The following CFAP206 variants were observed in gnomAD, a reference collection of about 807,000 sequenced individuals.
CFAP206 encodes the protein cilia- and flagella-associated protein 206.
CFAP206 carries 53 observed loss-of-function variants against 65.4 expected under a neutral mutation model. The observed-to-expected ratio is 0.81, with a 90% confidence interval of 0.65 to 1.02. The LOEUF is 1.02. CFAP206 is among the 50% of genes least tolerant of loss of function. The pLI is 0.00. For missense variants in CFAP206, 663 were observed against 753.2 expected, an observed-to-expected ratio of 0.88 and a Z score of 1.40; for synonymous variants, 250 against 254.4, an observed-to-expected ratio of 0.98 and a Z score of 0.17.
chr6:87,457,638 C>T (rs1220867844), intron 11 of CFAP206, among the ~76,000 whole-genome samples: 1 of 152,160 alleles, frequency 6.6e-6, no homozygotes, highest in Admixed American at 6.5e-5. Flanking sequence ...AAACTAGACC[C>T]TATCTCTCGC....
intron 11 of CFAP206, among the ~76,000 whole-genome samples, chr6:87,456,424 C>T (rs1039699050): frequency 2.0e-5 from 3 of 151,978 alleles, no homozygotes; most frequent in Non-Finnish European, 2.9e-5. Context: ...TCATACCGAA[C>T]GGGAAAAATG....
intron 11 of CFAP206, among the ~76,000 whole-genome samples, chr6:87,460,301 C>CA (rs1475533101): frequency 6.6e-6 from 1 of 152,170 alleles, no homozygotes; most frequent in Non-Finnish European, 1.5e-5. Flanking sequence ...AAAAACAAAG[C>CA]AAAAACCTTG....
At position 87,418,193 on chromosome 6, in the gene CFAP206, T is replaced by C. The variant is rs1235069964; in HGVS notation, c.632-15T>C. The C allele has an allele frequency of 1.2e-6, 2 of 1,613,186 alleles. No homozygotes were observed. Among genetic ancestry groups the C allele is most frequent in the South Asian group, 2.2e-5 (2 of 91,048 alleles). ...AGTCTCCTTTATGGCTGCCTTTTCA[T>C]ACTCTTACAAACAGTGCCAGCTGTT... On this transcript the variant is annotated splice_polypyrimidine_tract_variant and intron_variant, in intron 6 of 12. Coordinates refer to ENST00000369562, the MANE Select transcript of CFAP206 (RefSeq NM_001031743.3).
At chr6:87,431,846 A>T (rs1768164925) in intron 10 of CFAP206, among the ~76,000 whole-genome samples, 1 of 152,232 alleles carries the variant, frequency 6.6e-6, no homozygotes, top group African/African-American at 2.4e-5. Flanking sequence ...CACTTATTTG[A>T]CATGTTTGTT....
rs1767819607 is a variant in CFAP206 at position 87,415,811 on chromosome 6, T to C, written c.409T>C (p.Tyr137His). ...LESLYRKIISYVLLRSGLGSP... is the reference protein window; with the variant it reads ...LESLYRKIISHVLLRSGLGSP... Reference sequence around the variant, plus strand: ...AAGCCTCTACCGGAAGATTATCAGCTATGTGTTACTCCGCTCTGGCCTTGG... The same window carrying C: ...AAGCCTCTACCGGAAGATTATCAGCCATGTGTTACTCCGCTCTGGCCTTGG... Residue 137 changes from tyrosine (Y) to histidine (H), a missense_variant, in exon 5 of 13, where the codon TAT becomes CAT. Physicochemically the swap from Tyr to His is moderately conservative, Grantham distance 83 (BLOSUM62 2). Transcript: ENST00000369562. 6.2e-7 allele frequency: 1 copy of C among 1,613,350 alleles called. No individual in the cohort carries two copies. Among genetic ancestry groups the C allele is most frequent in the Non-Finnish European group, 8.5e-7 (1 of 1,179,634 alleles).
intron 10 of CFAP206, among the ~76,000 whole-genome samples, chr6:87,433,678 A>C (rs1046933735): frequency 1.3e-5 from 2 of 152,268 alleles, no homozygotes; most frequent in African/African-American, 4.8e-5. Flanking sequence ...CATAAAATAC[A>C]GTTTAAAATC....
intron 11 of CFAP206, among the ~76,000 whole-genome samples, chr6:87,446,311 T>G (rs1768440085): frequency 6.6e-6 from 1 of 152,242 alleles, no homozygotes; most frequent in African/African-American, 2.4e-5. Context: ...GCCTAGATTT[T>G]CCTTTAGGGT....
intron 11 of CFAP206, chr6:87,444,477 G>A (rs1196759361): frequency 4.5e-6 from 1 of 223,392 alleles, no homozygotes; most frequent in East Asian, 1.1e-4. Flanking sequence ...TGACATACTT[G>A]CTGGGTTGTA....
At position 87,416,626 on chromosome 6, in the gene CFAP206, C is replaced by G. The variant is rs1344914688; in HGVS notation, c.473-43C>G. The G allele has an allele frequency of 3.3e-6, 5 of 1,525,034 alleles. No individual in the cohort carries two copies. In the Admixed American group the frequency reaches 8.6e-5, roughly 26 times the overall value. 94.5% of individuals were successfully genotyped at this position (1,525,034 alleles called of 1,614,324 possible). ...TTATTTAACGTCTGATATCTTTATT[C>G]TATCATTTTGTTTTCCTTTTTTTTT... On this transcript the variant is annotated intron_variant, in intron 5 of 12. Transcript: ENST00000369562.
chr6:87,430,122 T>G (rs1768131573), intron 9 of CFAP206, among the ~76,000 whole-genome samples: 1 of 152,220 alleles, frequency 6.6e-6, no homozygotes, highest in African/African-American at 2.4e-5. Flanking sequence ...GCCAGTGTTG[T>G]TCTAAAAGAA....
At chr6:87,429,901 CTCATT>C (rs1455185110) in intron 9 of CFAP206, among the ~76,000 whole-genome samples, 1 of 152,076 alleles carries the variant, frequency 6.6e-6, no homozygotes, top group Non-Finnish European at 1.5e-5. Context: ...TTTTTTATTG[CTCATT>C]TCATTTCATT....
At chr6:87,445,403 G>A (rs1370069665) in intron 11 of CFAP206, among the ~76,000 whole-genome samples, 1 of 151,848 alleles carries the variant, frequency 6.6e-6, no homozygotes, top group Non-Finnish European at 1.5e-5. Flanking sequence ...GTTCCTCTCT[G>A]TGTCCATGTT....
chr6:87,441,873 G>T, intron 11 of CFAP206: 1 of 295,302 alleles, frequency 3.4e-6, no homozygotes, highest in South Asian at 3.8e-5. Context: ...AACTTCAACA[G>T]GGGAACCAGT....
At chr6:87,430,593 A>G (rs971999814) in intron 9 of CFAP206, among the ~76,000 whole-genome samples, 2 of 152,206 alleles carry the variant, frequency 1.3e-5, no homozygotes, top group Non-Finnish European at 2.9e-5. Context: ...TAAGAACAAC[A>G]CTATATTGAA....
chr6:87,435,486 A>G (rs1349546779), intron 11 of CFAP206: 2 of 153,656 alleles, frequency 1.3e-5, no homozygotes, highest in Admixed American at 6.4e-5. Flanking sequence ...GTGCCTATTG[A>G]TTAATTCATT....
chr6:87,432,687 G>C lies in CFAP206; in HGVS notation c.1300+1514G>C, dbSNP rs1768180869. On this transcript the variant is annotated intron_variant, in intron 10 of 12. Coordinates refer to ENST00000369562, the MANE Select transcript of CFAP206 (RefSeq NM_001031743.3). ...AGTTTCTCCTCAAGAAAATGAAAAG[G>C]ATCAACCAGGAGGTCTGTATGGTCC... is the stretch of plus-strand genomic sequence containing the variant. 2.0e-5 allele frequency among the ~76,000 whole-genome samples: 3 copies of C among 152,294 alleles called. No individual in the cohort carries two copies. In the South Asian group the frequency reaches 6.2e-4, roughly 32 times the overall value.
chr6:87,413,852 G>A lies in CFAP206; in HGVS notation c.235G>A (p.Asp79Asn). 1 of 1,567,530 alleles carries A rather than the reference G, an allele frequency of 6.4e-7. No individual in the cohort carries two copies. The highest frequency in any genetic ancestry group is 8.6e-7 in the Non-Finnish European group (1 of 1,163,670). The change falls in exon 4 of 13, where the codon GAC (aspartate) becomes AAC (asparagine). Residue 79 changes from aspartate to asparagine, a missense_variant. Physicochemically the swap from Asp to Asn is conservative, Grantham distance 23. Transcript: ENST00000369562. The stretch of plus-strand genomic sequence containing the variant: ...ATTGGATACTAAAAATCCATCCCTG[G>A]ACACTATTAAGATGCAAGTCTACTT... ...RLLDTKNPSL[D>N]TIKMQVYFDM...
intron 10 of CFAP206, among the ~76,000 whole-genome samples, chr6:87,432,854 C>G (rs976994855): frequency 6.6e-6 from 1 of 152,238 alleles, no homozygotes; most frequent in African/African-American, 2.4e-5. Context: ...ATTTCTACTT[C>G]ATTATTTTCT....
At chr6:87,456,559 AAGG>A (rs1680324562) in intron 11 of CFAP206, among the ~76,000 whole-genome samples, 1 of 152,204 alleles carries the variant, frequency 6.6e-6, no homozygotes. Flanking sequence ...CCACCTCGGA[AAGG>A]AAGAAGTTAA....
Sources: gnomAD v4.1 joint callset for allele counts (sites outside exome capture counted in the v4.1 genomes callset) on GRCh38, gnomAD v4.1.1 for gene constraint, MANE v1.5 for transcripts, NCBI Gene and HGNC (gene_info 2026-07-23, HGNC 2026-07-21) for gene names.